ANKRD55: variants seen among roughly 807,000 people sequenced by gnomAD.
ANKRD55 encodes the protein ankyrin repeat domain 55.
Under a neutral mutation model 60.6 loss-of-function variants are expected in ANKRD55, and 41 were observed. That is an observed-to-expected ratio of 0.68 (90% CI 0.53 to 0.88). ANKRD55 has a LOEUF of 0.88. ANKRD55 is among the 40% of genes least tolerant of loss of function. ANKRD55 has a pLI of 0.00. For synonymous variants in ANKRD55, 264 were observed against 290.3 expected (o/e 0.91, Z 0.92); for missense variants, 732 against 767.6 (o/e 0.95, Z 0.55).
intron 6 of ANKRD55, among the ~76,000 whole-genome samples, chr5:56,157,646 A>G (rs979662402): frequency 1.3e-5 from 2 of 152,252 alleles, no homozygotes; most frequent in African/African-American, 4.8e-5. Context: ...GTATGTGCAC[A>G]TCAAAAGCAC....
At chr5:56,146,325 C>T (rs555533398) in intron 6 of ANKRD55, among the ~76,000 whole-genome samples, 68 of 151,580 alleles carry the variant, frequency 4.5e-4, no homozygotes, top group African/African-American at 1.5e-3. Flanking sequence ...CGCTCTGTCG[C>T]CCAGGCTGGA....
intron 2 of ANKRD55, among the ~76,000 whole-genome samples, chr5:56,208,398 G>GC (rs1554043546): frequency 1.6e-4 from 24 of 148,576 alleles, no homozygotes; most frequent in East Asian, 1.4e-3. Flanking sequence ...AATTGTATGT[G>GC]TTTTTTTAAA....
At chr5:56,233,000 G>T in intron 1 of ANKRD55, 54 bp from the exon 2 acceptor site, 1 of 1,289,238 alleles carries the variant, frequency 7.8e-7, no homozygotes, top group Non-Finnish European at 1.1e-6. Context: ...ACAGTCAGAG[G>T]CAGCATCGTT....
intron 3 of ANKRD55, among the ~76,000 whole-genome samples, chr5:56,180,734 T>G (rs1013020049): frequency 6.6e-6 from 1 of 152,228 alleles, no homozygotes; most frequent in African/African-American, 2.4e-5. Context: ...GGTTTAAAAT[T>G]TTGATGTCTG....
chr5:56,116,845 C>A, intron 8 of ANKRD55, 63 bp from the exon 9 acceptor site: 1 of 1,432,880 alleles, frequency 7.0e-7, no homozygotes, highest in Non-Finnish European at 9.2e-7. Context: ...GGCTGCTTAG[C>A]CAGCAACAGC....
chr5:56,105,149 C>T (rs1425119757), intron 10 of ANKRD55, among the ~76,000 whole-genome samples: 1 of 149,022 alleles, frequency 6.7e-6, no homozygotes, highest in Non-Finnish European at 1.5e-5. Context: ...TGCAGTAGTG[C>T]CATCGTGGCT....
chr5:56,127,023 C>G lies in ANKRD55; in HGVS notation c.696G>C (p.Lys232Asn). ...CTGCCGCTGCGATATGTACACATGT[C>G]TTCCCACTCTCATCATCATAGTTGA... is the stretch of plus-strand genomic sequence containing the variant. ...SIINYDDESG[K>N]TCVHIAAAAG... The change falls in exon 8 of 12, where the codon AAG becomes AAC. Residue 232 changes from lysine to asparagine, a missense_variant. Coordinates refer to ENST00000341048, the MANE Select transcript of ANKRD55 (RefSeq NM_024669.3). 3.1e-6 allele frequency: 5 copies of G among 1,613,940 alleles called. No individual in the cohort carries two copies. Among genetic ancestry groups the G allele is most frequent in the Non-Finnish European group, 4.2e-6 (5 of 1,179,928 alleles).
Position 56,221,377 on chromosome 5 carries a change from G to A in ANKRD55, c.58+11479C>T, listed in dbSNP as rs150250097. ...TGCACATTGAGGGAGGTTCCAAGAT[G>A]GCCAAATAGGAACAGCTCCAGTCTA... On this transcript the variant is annotated intron_variant, in intron 2 of 11. Coordinates refer to ENST00000341048, the MANE Select transcript of ANKRD55 (RefSeq NM_024669.3). Among the ~76,000 whole-genome samples the A allele has an allele frequency of 6.1e-3, 922 of 152,266 alleles. 6 individuals carry two copies. Among genetic ancestry groups the A allele is most frequent in the Middle Eastern group, 6.8e-3 (2 of 294 alleles).
Position 56,140,493 on chromosome 5 carries a change from C to T in ANKRD55, c.612+3308G>A, listed in dbSNP as rs188786229. 6.7e-3 allele frequency among the ~76,000 whole-genome samples: 1,027 copies of T among 152,324 alleles called. 8 individuals are homozygous for T. The highest frequency in any genetic ancestry group is 0.015 in the South Asian group (72 of 4,822). On this transcript the variant is annotated intron_variant, in intron 7 of 11. Coordinates refer to ENST00000341048, the MANE Select transcript of ANKRD55 (RefSeq NM_024669.3). ...CAAACATGCTCACACACCATATATA[C>T]AGTATTACATACAATTGTAGGGGTT...
intron 6 of ANKRD55, among the ~76,000 whole-genome samples, chr5:56,149,707 C>T (rs946663170): frequency 3.9e-5 from 6 of 152,088 alleles, no homozygotes; most frequent in Non-Finnish European, 8.8e-5. Context: ...TACAATTATT[C>T]TACTCATTGC....
intron 3 of ANKRD55, among the ~76,000 whole-genome samples, chr5:56,181,941 A>G (rs1409608301): frequency 6.6e-6 from 1 of 152,062 alleles, no homozygotes; most frequent in East Asian, 1.9e-4. Flanking sequence ...TTGGTTAAGG[A>G]TTTTTAAATC....
intron 6 of ANKRD55, among the ~76,000 whole-genome samples, chr5:56,146,069 T>G (rs1411579766): frequency 6.6e-6 from 1 of 152,194 alleles, no homozygotes; most frequent in East Asian, 1.9e-4. Context: ...TTCCCAGTTC[T>G]TAGTCCCATT....
At position 56,159,971 on chromosome 5, in the gene ANKRD55, C is replaced by T. The variant is rs1426212564; in HGVS notation, c.423-78G>A. 3.8e-6 allele frequency: 5 copies of T among 1,310,558 alleles called. No individual in the cohort carries two copies. In the African/African-American group the frequency reaches 7.3e-5, roughly 19 times the overall value. 81.2% of individuals were successfully genotyped at this position (1,310,558 alleles called of 1,614,324 possible). ...TCTTGGAATCGGTATAAAAACATGACCTTAGAAAAACCGTCAGTTGAAAGA... is the reference window on the plus strand; with the variant it reads ...TCTTGGAATCGGTATAAAAACATGATCTTAGAAAAACCGTCAGTTGAAAGA... On this transcript the variant is annotated intron_variant, in intron 5 of 11. Transcript: ENST00000341048.
rs1757552859 is a variant in ANKRD55 at position 56,135,308 on chromosome 5, TTTC to T, written c.613-8205_613-8203del. 1.9e-4 allele frequency among the ~76,000 whole-genome samples: 2 copies of T among 10,662 alleles called. 1 individual carries two copies. Among genetic ancestry groups the T allele is most frequent in the Non-Finnish European group, 3.6e-4 (2 of 5,492 alleles). The allele number at this position is 10,662 out of a possible 152,430, so 7.0% of individuals were successfully genotyped here. A position where few individuals can be genotyped will look rare whatever the true frequency, so the allele number is the denominator to read the frequency against. On this transcript the variant is annotated intron_variant, in intron 7 of 11. Coordinates refer to ENST00000341048, the MANE Select transcript of ANKRD55 (RefSeq NM_024669.3). ...CCTGCCTGCTTGCTTTCTTTCTTTC[TTTC>T]TTTCTTTCTTTCTTTCTTTCTTTCT...
rs1756759300 is a variant in ANKRD55, at chr5:56,112,511, A to AAAAAAAAAAAACAAAAAAAAAAAAC, written c.966-730_966-729insGTTTTTTTTTTTTGTTTTTTTTTTT. On this transcript the variant is annotated intron_variant, in intron 9 of 11. Transcript: ENST00000341048. ...GCAGGATCTCATCTCTAGCAAAAAA[A>AAAAAAAAAAAACAAAAAAAAAAAAC]AAAAAAAAAAACAACCAAGGAAAGA... Among the ~76,000 whole-genome samples the AAAAAAAAAAAACAAAAAAAAAAAAC allele has an allele frequency of 6.1e-5, 5 of 81,526 alleles. 1 individual carries two copies. Among genetic ancestry groups the AAAAAAAAAAAACAAAAAAAAAAAAC allele is most frequent in the African/African-American group, 2.7e-4 (5 of 18,534 alleles). The allele number at this position is 81,526 out of a possible 152,430, so 53.5% of individuals were successfully genotyped here.
chr5:56,111,844 C>G (rs1263595999), intron 9 of ANKRD55, 62 bp from the exon 10 acceptor site: 1 of 1,373,170 alleles, frequency 7.3e-7, no homozygotes, highest in Non-Finnish European at 9.5e-7. Flanking sequence ...CATCACTCAC[C>G]GAAATACCGA....
chr5:56,210,346 G>A lies in ANKRD55; in HGVS notation c.58+22510C>T, dbSNP rs916319333. ...TCCCAGTACTTTGGGAGGCCGAGGCGGGCGGATCACGAGGTCAGGAGACTG... is the reference window on the plus strand; with the variant it reads ...TCCCAGTACTTTGGGAGGCCGAGGCAGGCGGATCACGAGGTCAGGAGACTG... On this transcript the variant is annotated intron_variant, in intron 2 of 11. Transcript: ENST00000341048. Among the ~76,000 whole-genome samples, 6 of 151,902 alleles carry A rather than the reference G, an allele frequency of 3.9e-5. No homozygotes were observed. The East Asian group carries it at 5.8e-4, about 15-fold the overall frequency.
chr5:56,127,133 AT>A (rs756900229), intron 7 of ANKRD55, 27 bp from the exon 8 acceptor site: 1 of 1,577,124 alleles, frequency 6.3e-7, no homozygotes, highest in Non-Finnish European at 8.6e-7. Flanking sequence ...AAGAAAGCCC[AT>A]TATGTACAAT....
At chr5:56,177,375 T>C (rs912243455) in intron 3 of ANKRD55, among the ~76,000 whole-genome samples, 1 of 152,172 alleles carries the variant, frequency 6.6e-6, no homozygotes, top group Non-Finnish European at 1.5e-5. Context: ...CCTTTCTTCC[T>C]GTCAACAAGT....
Sources: allele counts gnomAD v4.1 joint callset (sites outside exome capture counted in the v4.1 genomes callset), GRCh38; gene constraint gnomAD v4.1.1; transcripts MANE v1.5; gene names NCBI Gene and HGNC (gene_info 2026-07-23, HGNC 2026-07-21).